Variants in TMEM9B observed in about 807,000 individuals in gnomAD.
The protein encoded by TMEM9B is transmembrane protein 9B.
TMEM9B carries 8 observed loss-of-function variants against 23.5 expected under a neutral mutation model. The ratio of observed to expected loss-of-function variants is 0.34; its 90% confidence interval spans 0.20 to 0.61. The LOEUF (loss-of-function observed/expected upper bound fraction) is 0.61. Among genes scored for constraint, TMEM9B ranks in the 20% least tolerant of loss-of-function variants. The pLI is 0.78. For missense variants in TMEM9B, 197 were observed against 252.3 expected (o/e 0.78, Z 1.49); for synonymous variants, 106 against 96.3 (o/e 1.10, Z -0.59).
chr11:8,953,195 G>T lies in TMEM9B; in HGVS notation c.441+8C>A, dbSNP rs1853914705. The T allele has an allele frequency of 1.9e-6, 3 of 1,614,022 alleles. No individual in the cohort carries two copies. Among genetic ancestry groups the T allele is most frequent in the East Asian group, 4.5e-5 (2 of 44,900 alleles). ...GCCATGAGCAGCTAGGGCAGGCTGGGAACTTACCCCAATATCATCATCACT... is the reference window on the plus strand; with the variant it reads ...GCCATGAGCAGCTAGGGCAGGCTGGTAACTTACCCCAATATCATCATCACT... On this transcript the variant is annotated splice_region_variant and intron_variant, in intron 4 of 4. Transcript: ENST00000534025.
chr11:8,953,708 C>T (rs1215947511), intron 3 of TMEM9B, among the ~76,000 whole-genome samples: 1 of 152,076 alleles, frequency 6.6e-6, no homozygotes, highest in East Asian at 1.9e-4. Context: ...TTCTTGTGAC[C>T]TTAATTCATG....
Position 8,964,255 on chromosome 11 carries a change from A to G in TMEM9B, c.59T>C (p.Leu20Pro), listed in dbSNP as rs1378907847. 6.3e-7 allele frequency: 1 copy of G among 1,596,892 alleles called. No individual in the cohort carries two copies. The highest frequency in any genetic ancestry group is 8.5e-7 in the Non-Finnish European group (1 of 1,172,612). The part of the protein sequence containing the change: ...RLGSLLSLSC[L>P]ALSVLLLAQL... Reference sequence around the variant, plus strand: ...CGCCAGCAGCAGCACGGAAAGCGCCAGGCACGACAGGCTGAGCAAGGAGCC... The same window carrying G: ...CGCCAGCAGCAGCACGGAAAGCGCCGGGCACGACAGGCTGAGCAAGGAGCC... The change falls in exon 1 of 5, where the codon CTG becomes CCG. Residue 20 changes from leucine to proline, a missense_variant. Leu to Pro is a moderately conservative substitution (Grantham distance 98). Coordinates refer to ENST00000534025, the MANE Select transcript of TMEM9B (RefSeq NM_020644.3).
At position 8,964,321 on chromosome 11, in the gene TMEM9B, G is replaced by A. The variant is rs202125144; in HGVS notation, c.-8C>T. 17 of 1,561,060 alleles carry A rather than the reference G, an allele frequency of 1.1e-5. No homozygotes were observed. Among genetic ancestry groups the A allele is most frequent in the Non-Finnish European group, 1.4e-5 (16 of 1,153,810 alleles). On this transcript the variant is annotated 5_prime_UTR_variant, in exon 1 of 5. Transcript: ENST00000534025. ...TCCCCACAGGGTCGCCATCGCTGGGGGCCCAGCGGTCCCACAGCCCGGAGC... is the reference window on the plus strand; with the variant it reads ...TCCCCACAGGGTCGCCATCGCTGGGAGCCCAGCGGTCCCACAGCCCGGAGC...
At chr11:8,952,347 A>G (rs1853901352) in intron 4 of TMEM9B, among the ~76,000 whole-genome samples, 1 of 151,500 alleles carries the variant, frequency 6.6e-6, no homozygotes. Context: ...TGAGAGATTT[A>G]AAGACAGGAA....
At chr11:8,964,102 G>C (rs1589950264) in intron 1 of TMEM9B, 107 bp downstream of exon 1, 1 of 1,131,740 alleles carries the variant, frequency 8.8e-7, no homozygotes, top group South Asian at 1.6e-5. Flanking sequence ...GAGGCCAGGC[G>C]TATGGCTGTC....
Position 8,948,153 on chromosome 11 carries a change from A to T in TMEM9B, c.*167T>A. 1.3e-6 allele frequency: 1 copy of T among 744,056 alleles called. No individual in the cohort carries two copies. The highest frequency in any genetic ancestry group is 2.1e-6 in the Non-Finnish European group (1 of 476,096). The allele number at this position is 744,056 out of a possible 1,614,324, so 46.1% of individuals were successfully genotyped here. On this transcript the variant is annotated 3_prime_UTR_variant, in exon 5 of 5. Transcript: ENST00000534025. ...TGCTTTTAAAAATGTCTCTATTATT[A>T]CGTTAACAAGAAAAAAAAATCAAGC...
At chr11:8,956,948 G>A (rs914090418) in intron 2 of TMEM9B, among the ~76,000 whole-genome samples, 2 of 152,116 alleles carry the variant, frequency 1.3e-5, no homozygotes, top group African/African-American at 2.4e-5. Context: ...TTGAATACCT[G>A]GCCTCAAGTG....
At chr11:8,961,229 C>A (rs997255760) in intron 2 of TMEM9B, among the ~76,000 whole-genome samples, 4 of 152,194 alleles carry the variant, frequency 2.6e-5, no homozygotes, top group Non-Finnish European at 5.9e-5. Context: ...GGTTGGAATA[C>A]TGTTAACTGA....
At chr11:8,949,709 A>G (rs1853840974) in intron 4 of TMEM9B, among the ~76,000 whole-genome samples, 1 of 152,236 alleles carries the variant, frequency 6.6e-6, no homozygotes, top group Non-Finnish European at 1.5e-5. Context: ...CATTTGAAAG[A>G]TATCAAAGAG....
chr11:8,960,684 CTT>C (rs529733160), intron 2 of TMEM9B, among the ~76,000 whole-genome samples: 85 of 141,354 alleles, frequency 6.0e-4, no homozygotes, highest in Admixed American at 7.1e-4. Context: ...TTTGAACATT[CTT>C]TTTTTTTTTT....
intron 4 of TMEM9B, 76 bp from the exon 5 acceptor site, chr11:8,948,551 C>T (rs1052701768): frequency 2.2e-5 from 33 of 1,517,484 alleles, no homozygotes; most frequent in African/African-American, 9.7e-5. Context: ...GTGACCAGCC[C>T]GCCACAGAAA....
chr11:8,961,862 A>G lies in TMEM9B; in HGVS notation c.197+230T>C, dbSNP rs138737184. Among the ~76,000 whole-genome samples the G allele has an allele frequency of 2.1e-3, 323 of 152,302 alleles. 1 individual carries two copies. The highest frequency in any genetic ancestry group is 7.4e-3 in the African/African-American group (307 of 41,558). On this transcript the variant is annotated intron_variant, in intron 2 of 4. Transcript: ENST00000534025. Reference sequence around the variant, plus strand: ...GCCACAAACCCAGTCATATGCTCCCATGAAACTCTGCCTACATGGGTCTTA... The same window carrying G: ...GCCACAAACCCAGTCATATGCTCCCGTGAAACTCTGCCTACATGGGTCTTA...
At chr11:8,961,435 C>T (rs745953951) in intron 2 of TMEM9B, among the ~76,000 whole-genome samples, 1 of 152,196 alleles carries the variant, frequency 6.6e-6, no homozygotes, top group Non-Finnish European at 1.5e-5. Context: ...AACTGCATCC[C>T]AACTGCTTCA....
intron 2 of TMEM9B, among the ~76,000 whole-genome samples, chr11:8,959,097 A>C (rs1022617163): frequency 6.6e-6 from 1 of 152,230 alleles, no homozygotes; most frequent in African/African-American, 2.4e-5. Flanking sequence ...TCTGAGGATC[A>C]GAGAGCTCAT....
chr11:8,950,139 G>GA (rs1363799591), intron 4 of TMEM9B, among the ~76,000 whole-genome samples: 4,737 of 139,730 alleles, frequency 0.034, 224 homozygotes, highest in African/African-American at 0.11. Context: ...AGCTAAAAAA[G>GA]AAAAAAAAAA....
chr11:8,961,669 T>C (rs1854085579), intron 2 of TMEM9B, among the ~76,000 whole-genome samples: 1 of 152,230 alleles, frequency 6.6e-6, no homozygotes, highest in African/African-American at 2.4e-5. Context: ...CTGACACTTT[T>C]AAACATAGCT....
chr11:8,951,969 C>T (rs1309161449), intron 4 of TMEM9B, among the ~76,000 whole-genome samples: 2 of 151,602 alleles, frequency 1.3e-5, no homozygotes, highest in South Asian at 2.1e-4. Flanking sequence ...ATTAGCCAGG[C>T]GTGGTGGCAG....
intron 4 of TMEM9B, among the ~76,000 whole-genome samples, chr11:8,949,891 T>TC: frequency 3.6e-5 from 1 of 27,644 alleles, no homozygotes. Context: ...TGAACTTAAT[T>TC]TTTTTTTTTT....
At chr11:8,961,068 A>ATGT (rs368144830) in intron 2 of TMEM9B, among the ~76,000 whole-genome samples, 5,798 of 152,306 alleles carry the variant, frequency 0.038, 137 homozygotes, top group Non-Finnish European at 0.059. Flanking sequence ...ATATGACACC[A>ATGT]CTTACAGTGG....
Sources: allele counts gnomAD v4.1 joint callset (sites outside exome capture counted in the v4.1 genomes callset), GRCh38; gene constraint gnomAD v4.1.1; transcripts MANE v1.5; gene names NCBI Gene and HGNC (gene_info 2026-07-23, HGNC 2026-07-21).